Variants in CNBD1 observed in about 807,000 individuals in gnomAD.
CNBD1 encodes cyclic nucleotide-binding domain-containing protein 1.
In CNBD1, 71 loss-of-function variants were observed where a neutral mutation model predicts 54.4. That is an observed-to-expected ratio of 1.30 (90% CI 1.08 to 1.59). CNBD1 has a LOEUF of 1.59. CNBD1 is among the 40% of genes most tolerant of loss of function. The pLI, the probability that CNBD1 is intolerant of heterozygous loss-of-function variation, is 0.00. For missense variants in CNBD1, 659 were observed against 518.0 expected, an observed-to-expected ratio of 1.27 and a Z score of -2.64; for synonymous variants, 182 against 170.7, an observed-to-expected ratio of 1.07 and a Z score of -0.51.
intron 4 of CNBD1, among the ~76,000 whole-genome samples, chr8:87,101,930 C>A (rs1811435896): frequency 6.6e-6 from 1 of 150,480 alleles, no homozygotes; most frequent in Admixed American, 6.7e-5. Flanking sequence ...GCTCTGTCAC[C>A]CAGGCTGGAG....
intron 4 of CNBD1, among the ~76,000 whole-genome samples, chr8:87,160,456 T>C (rs1255818268): frequency 4.6e-5 from 7 of 152,160 alleles, no homozygotes; most frequent in Non-Finnish European, 4.4e-5. Context: ...AAATTCTCTA[T>C]GACTTCGTTT....
intron 4 of CNBD1, among the ~76,000 whole-genome samples, chr8:86,986,706 G>T (rs1327859503): frequency 2.0e-5 from 3 of 152,080 alleles, no homozygotes; most frequent in African/African-American, 4.8e-5. Flanking sequence ...GATTGGTAGG[G>T]GTCCAACTTT....
chr8:86,949,306 T>C (rs1056869496), intron 4 of CNBD1, among the ~76,000 whole-genome samples: 2 of 152,192 alleles, frequency 1.3e-5, no homozygotes, highest in Admixed American at 6.6e-5. Context: ...GGTATTTTGA[T>C]AGAGATTGCA....
At chr8:87,169,215 A>G (rs1345229573) in intron 4 of CNBD1, among the ~76,000 whole-genome samples, 1 of 152,056 alleles carries the variant, frequency 6.6e-6, no homozygotes, top group East Asian at 1.9e-4. Flanking sequence ...TTCCATTTGT[A>G]TGTCTTCAGA....
At chr8:87,042,020 T>C in intron 4 of CNBD1, among the ~76,000 whole-genome samples, 1 of 152,146 alleles carries the variant, frequency 6.6e-6, no homozygotes, top group Non-Finnish European at 1.5e-5. Context: ...TGAGAAGTAG[T>C]CAGGTTTACC....
intron 4 of CNBD1, among the ~76,000 whole-genome samples, chr8:86,963,027 C>T (rs1275391700): frequency 6.6e-6 from 1 of 152,132 alleles, no homozygotes; most frequent in Non-Finnish European, 1.5e-5. Flanking sequence ...ACTGGTTACC[C>T]ATCTGGAAAG....
chr8:87,401,698 A>T lies in CNBD1; in HGVS notation c.214-26848A>T, dbSNP rs3923930. ...ACCTTTAAGCTACTTGCAAATCTCA[A>T]TTAGTTTTATTTGGTAAGATGTTAA... is the stretch of plus-strand genomic sequence containing the variant. On this transcript the variant is annotated intron_variant, in intron 2 of 7. Transcript: ENST00000521593. Among the ~76,000 whole-genome samples, 674 of 152,150 alleles carry T rather than the reference A, an allele frequency of 4.4e-3. 28 individuals are homozygous for T. In the East Asian group the frequency reaches 0.059, roughly 13 times the overall value.
intron 4 of CNBD1, among the ~76,000 whole-genome samples, chr8:86,998,246 A>G (rs1808920990): frequency 6.6e-6 from 1 of 151,402 alleles, no homozygotes; most frequent in Non-Finnish European, 1.5e-5. Context: ...ATTTATTAAC[A>G]TTGAACTCAC....
intron 4 of CNBD1, among the ~76,000 whole-genome samples, chr8:87,129,091 A>AAAAAAAAAAAAAAAAAG: frequency 7.3e-6 from 1 of 136,640 alleles, no homozygotes; most frequent in Non-Finnish European, 1.5e-5. Flanking sequence ...AAAAAAAAAA[A>AAAAAAAAAAAAAAAAAG]GAATTTTGCT....
At chr8:87,027,522 G>A (rs771015818) in intron 4 of CNBD1, among the ~76,000 whole-genome samples, 34 of 152,062 alleles carry the variant, frequency 2.2e-4, no homozygotes, top group Non-Finnish European at 4.0e-4. Flanking sequence ...TGTCCGCCTC[G>A]GCCTCCCAAA....
intron 4 of CNBD1, among the ~76,000 whole-genome samples, chr8:87,146,719 A>G (rs1367165904): frequency 6.6e-6 from 1 of 152,088 alleles, no homozygotes; most frequent in Non-Finnish European, 1.5e-5. Context: ...TATGCATTCA[A>G]ACAAACAATG....
intron 4 of CNBD1, among the ~76,000 whole-genome samples, chr8:86,962,253 T>C (rs1467170221): frequency 6.6e-6 from 1 of 152,162 alleles, no homozygotes; most frequent in Non-Finnish European, 1.5e-5. Context: ...TAAAACCTTT[T>C]TCCAGAAAAA....
intron 8 of CNBD1, among the ~76,000 whole-genome samples, chr8:87,320,222 A>T (rs1197373212): frequency 6.6e-6 from 1 of 152,082 alleles, no homozygotes; most frequent in Non-Finnish European, 1.5e-5. Flanking sequence ...TATCAAGTTC[A>T]TTATATTTCA....
chr8:87,031,089 T>A (rs1809779420), intron 4 of CNBD1, among the ~76,000 whole-genome samples: 1 of 150,796 alleles, frequency 6.6e-6, no homozygotes, highest in Admixed American at 6.6e-5. Context: ...GCTCCCAGAT[T>A]AAAGAAGTTA....
intron 3 of CNBD1, among the ~76,000 whole-genome samples, chr8:86,935,004 GGTTTGTTTGTTT>G (rs139683366): frequency 6.7e-6 from 1 of 150,246 alleles, no homozygotes; most frequent in Non-Finnish European, 1.5e-5. Flanking sequence ...GAAGCATTTG[GGTTTGTTTGTTT>G]GTTTATTTAT....
intron 2 of CNBD1, among the ~76,000 whole-genome samples, chr8:86,890,728 TTTCA>T (rs1808756153): frequency 6.6e-6 from 1 of 152,150 alleles, no homozygotes; most frequent in Non-Finnish European, 1.5e-5. Flanking sequence ...TGAGGGTTCC[TTTCA>T]GTTCAGGTCC....
chr8:87,121,053 A>G (rs141279721), intron 4 of CNBD1, among the ~76,000 whole-genome samples: 1 of 151,844 alleles, frequency 6.6e-6, no homozygotes, highest in African/African-American at 2.4e-5. Context: ...AGGTTTTTAT[A>G]TTAAATTCAG....
At chr8:87,375,390 C>G (rs542940731) in intron 10 of CNBD1, among the ~76,000 whole-genome samples, 25 of 151,782 alleles carry the variant, frequency 1.6e-4, no homozygotes, top group Non-Finnish European at 2.2e-4. Context: ...AACCAATAAT[C>G]AAAATTAAAT....
intron 6 of CNBD1, among the ~76,000 whole-genome samples, chr8:87,282,650 A>T (rs1288332000): frequency 6.6e-6 from 1 of 151,966 alleles, no homozygotes; most frequent in Non-Finnish European, 1.5e-5. Flanking sequence ...TAATTTCCTA[A>T]TTATTAATAT....
Sources: gnomAD v4.1 joint callset for allele counts (sites outside exome capture counted in the v4.1 genomes callset) on GRCh38, gnomAD v4.1.1 for gene constraint, MANE v1.5 for transcripts, NCBI Gene and HGNC (gene_info 2026-07-23, HGNC 2026-07-21) for gene names.